The following CHRNA3 variants were observed in gnomAD, a reference collection of about 807,000 sequenced individuals.
CHRNA3 encodes the protein neuronal acetylcholine receptor subunit alpha-3.
In CHRNA3, 34 loss-of-function variants were observed where a neutral mutation model predicts 41.9. That is an observed-to-expected ratio of 0.81 (90% CI 0.62 to 1.08). The LOEUF (loss-of-function observed/expected upper bound fraction) is 1.08, where lower values mean the gene tolerates loss of function less well. CHRNA3 is among the 50% of genes least tolerant of loss of function. The probability of loss-of-function intolerance (pLI) is 0.00; values close to 1 mark genes in which losing one functional copy is unlikely to be tolerated. For missense variants in CHRNA3, 542 were observed against 638.3 expected, an observed-to-expected ratio of 0.85 and a Z score of 1.63; for synonymous variants, 281 against 265.2, an observed-to-expected ratio of 1.06 and a Z score of -0.58.
At chr15:78,614,675 A>C (rs957072237) in intron 4 of CHRNA3, among the ~76,000 whole-genome samples, 3 of 152,238 alleles carry the variant, frequency 2.0e-5, no homozygotes, top group African/African-American at 7.2e-5. Context: ...AGAATAGACT[A>C]ATTCTACATC....
intron 5 of CHRNA3, 88 bp downstream of exon 5, chr15:78,601,165 C>A: frequency 7.3e-7 from 1 of 1,369,920 alleles, no homozygotes; most frequent in Non-Finnish European, 1.0e-6. Flanking sequence ...AATTTCTTAA[C>A]CCCCTACCCT....
intron 4 of CHRNA3, among the ~76,000 whole-genome samples, 157 bp from the exon 5 acceptor site, chr15:78,602,421 T>C (rs192731147): frequency 1.3e-5 from 2 of 152,252 alleles, no homozygotes; most frequent in East Asian, 3.9e-4. Context: ...CCTGGCCCCA[T>C]TTACCAACAG....
chr15:78,618,715 G>A, intron 2 of CHRNA3, 54 bp from the exon 3 acceptor site: 1 of 1,614,100 alleles, frequency 6.2e-7, no homozygotes, highest in Admixed American at 1.7e-5. Flanking sequence ...ACTAATTCTG[G>A]GAAAGGCTCC....
chr15:78,618,454 G>A, intron 3 of CHRNA3, 163 bp downstream of exon 3: 1 of 739,632 alleles, frequency 1.4e-6, no homozygotes, highest in Non-Finnish European at 2.3e-6. Context: ...GGCAGTGCAT[G>A]TGACCTCAAG....
At chr15:78,617,198 T>TA in intron 3 of CHRNA3, 65 bp from the exon 4 acceptor site, 1 of 1,011,138 alleles carries the variant, frequency 9.9e-7, no homozygotes, top group Non-Finnish European at 1.5e-6. Context: ...TTACTTCCCG[T>TA]GGCACCACCC....
intron 4 of CHRNA3, among the ~76,000 whole-genome samples, chr15:78,616,246 G>C (rs908203247): frequency 4.6e-5 from 7 of 151,826 alleles, no homozygotes; most frequent in African/African-American, 1.7e-4. Context: ...CCAGCTACTT[G>C]GGAGGCTGAG....
chr15:78,618,247 GA>G (rs36013488), intron 3 of CHRNA3: 3 of 236,726 alleles, frequency 1.3e-5, no homozygotes, highest in East Asian at 1.1e-4. Context: ...ATCCCGTCTG[GA>G]AAAAAAACTG....
chr15:78,595,404 T>G lies in CHRNA3; in HGVS notation c.*1200A>C. On this transcript the variant is annotated 3_prime_UTR_variant, in exon 6 of 6. Transcript: ENST00000326828. ...CATCTGTCAGTGGTGATGATCACGT[T>G]AAGTTTCAGAAGTGTAGTACATGAT... 1.0e-6 allele frequency: 1 copy of G among 985,082 alleles called. No individual in the cohort carries two copies. The highest frequency in any genetic ancestry group is 4.7e-5 in the South Asian group (1 of 21,272). 61.0% of individuals were successfully genotyped at this position (985,082 alleles called of 1,614,324 possible).
intron 1 of CHRNA3, chr15:78,619,595 C>T (rs2053518533): frequency 6.5e-6 from 1 of 152,700 alleles, no homozygotes; most frequent in Non-Finnish European, 1.5e-5. Flanking sequence ...GAAGCCAAGG[C>T]ACTGTGTGAC....
intron 4 of CHRNA3, among the ~76,000 whole-genome samples, chr15:78,610,824 G>T (rs571874755): frequency 7.2e-4 from 110 of 152,200 alleles, no homozygotes; most frequent in Non-Finnish European, 2.9e-4. Flanking sequence ...TTGATAGACT[G>T]CTAGCAAGAC....
At chr15:78,593,292 A>G (rs1322355549), downstream of CHRNA3, 3 of 1,528,820 alleles carry the variant, frequency 2.0e-6, no homozygotes, top group Non-Finnish European at 1.8e-6. Flanking sequence ...TAGTTAACAC[A>G]CATATATCTG....
intron 3 of CHRNA3, 41 bp downstream of exon 3, chr15:78,618,576 C>A: frequency 1.2e-6 from 2 of 1,612,566 alleles, no homozygotes; most frequent in South Asian, 1.1e-5. Context: ...ATAAAACAGT[C>A]ACCACCAGGG....
intron 5 of CHRNA3, among the ~76,000 whole-genome samples, chr15:78,599,165 A>G (rs187450006): frequency 6.6e-6 from 1 of 151,798 alleles, no homozygotes; most frequent in East Asian, 1.9e-4. Flanking sequence ...TTTTGTAGAG[A>G]AAGGGTTTCC....
chr15:78,595,194 T>A, downstream of CHRNA3: 2 of 718,024 alleles, frequency 2.8e-6, no homozygotes, highest in Non-Finnish European at 3.4e-6. Flanking sequence ...CCTACCTTAG[T>A]TCGTATACAT....
At chr15:78,611,182 A>T (rs574535754) in intron 4 of CHRNA3, among the ~76,000 whole-genome samples, 13 of 152,236 alleles carry the variant, frequency 8.5e-5, no homozygotes, top group African/African-American at 1.7e-4. Context: ...AACTATTCCA[A>T]TCAATAGAAA....
intron 4 of CHRNA3, among the ~76,000 whole-genome samples, chr15:78,605,545 G>A (rs1287825978): frequency 1.3e-5 from 2 of 152,308 alleles, no homozygotes; most frequent in East Asian, 3.9e-4. Context: ...TCCTCAGCAA[G>A]GGGAACAATG....
intron 4 of CHRNA3, among the ~76,000 whole-genome samples, chr15:78,611,600 C>T (rs1035477450): frequency 1.3e-5 from 2 of 152,024 alleles, no homozygotes; most frequent in African/African-American, 2.4e-5. Flanking sequence ...TATGAGAAAC[C>T]CACAGCCAAT....
chr15:78,598,381 G>A (rs1596070762), intron 5 of CHRNA3, among the ~76,000 whole-genome samples: 1 of 151,896 alleles, frequency 6.6e-6, no homozygotes, highest in Non-Finnish European at 1.5e-5. Context: ...AGAGCTGGCT[G>A]GACAGAAATT....
downstream of CHRNA3, chr15:78,593,230 C>A: frequency 1.2e-6 from 2 of 1,610,982 alleles, no homozygotes; most frequent in Non-Finnish European, 1.7e-6. Context: ...AATACCAGTT[C>A]ATATTGGAAA....
Sources: allele counts gnomAD v4.1 joint callset (sites outside exome capture counted in the v4.1 genomes callset), GRCh38; gene constraint gnomAD v4.1.1; transcripts MANE v1.5; gene names NCBI Gene and HGNC (gene_info 2026-07-23, HGNC 2026-07-21).